AMOTL1: variants seen among roughly 807,000 people sequenced by gnomAD.
The protein encoded by AMOTL1 is angiomotin-like protein 1.
In AMOTL1, 45 loss-of-function variants were observed where a neutral mutation model predicts 102.9. The ratio of observed to expected loss-of-function variants is 0.44; its 90% CI spans 0.34 to 0.56. The LOEUF (loss-of-function observed/expected upper bound fraction) is 0.56, where lower values mean the gene tolerates loss of function less well. Among genes scored for constraint, AMOTL1 ranks in the 20% least tolerant of loss-of-function variants. AMOTL1 has a pLI of 0.01. For missense variants in AMOTL1, 1,114 were observed against 1,225.6 expected (o/e 0.91, Z 1.36); for synonymous variants, 481 against 484.7 (o/e 0.99, Z 0.10).
At chr11:94,738,607 G>A (rs1366944319) in intron 2 of AMOTL1, among the ~76,000 whole-genome samples, 1 of 152,014 alleles carries the variant, frequency 6.6e-6, no homozygotes, top group African/African-American at 2.4e-5. Flanking sequence ...TGGAAAGAAG[G>A]TGGAGAGTTA....
upstream of AMOTL1, chr11:94,768,282 AG>A (rs1453949624): frequency 4.7e-6 from 6 of 1,275,184 alleles, no homozygotes; most frequent in Non-Finnish European, 5.9e-6. Flanking sequence ...GGTGGAGTGT[AG>A]GGTTCTAGTG....
At chr11:94,744,221 C>T (rs566244909) in intron 3 of AMOTL1, among the ~76,000 whole-genome samples, 10 of 152,208 alleles carry the variant, frequency 6.6e-5, no homozygotes, top group Non-Finnish European at 1.3e-4. Context: ...CTACAACCTT[C>T]TTTTGGTTTC....
At chr11:94,771,487 G>A (rs760662928) in intron 1 of AMOTL1, among the ~76,000 whole-genome samples, 4 of 152,150 alleles carry the variant, frequency 2.6e-5, no homozygotes, top group Non-Finnish European at 5.9e-5. Context: ...AATAGTCTGA[G>A]GTTGTTGTGG....
At chr11:94,781,307 A>G (rs1460618500) in intron 1 of AMOTL1, among the ~76,000 whole-genome samples, 1 of 152,166 alleles carries the variant, frequency 6.6e-6, no homozygotes, top group Non-Finnish European at 1.5e-5. Flanking sequence ...TTTATATCAA[A>G]GGGCCTCTTT....
intron 8 of AMOTL1, among the ~76,000 whole-genome samples, chr11:94,855,758 G>C (rs753656984): frequency 6.6e-6 from 1 of 152,162 alleles, no homozygotes; most frequent in Non-Finnish European, 1.5e-5. Flanking sequence ...TGCCACAGAG[G>C]ATAGTTGGCT....
rs901339287 is a variant in AMOTL1 at position 94,740,700 on chromosome 11, C to T, written c.86-238C>T. Among the ~76,000 whole-genome samples, 43 of 151,992 alleles carry T rather than the reference C, an allele frequency of 2.8e-4. 1 individual carries two copies. Among genetic ancestry groups the T allele is most frequent in the Non-Finnish European group, 5.9e-5 (4 of 67,986 alleles). On this transcript the variant is annotated intron_variant, in intron 2 of 4. Transcript: ENST00000299004. ...GCGGGGAAAGTTGGCGCGCGCCTGA[C>T]CGCGCCTGGAAGCCGCGCGGTGCCA... is the stretch of plus-strand genomic sequence containing the variant.
intron 1 of AMOTL1, among the ~76,000 whole-genome samples, chr11:94,714,130 T>C (rs1211037049): frequency 6.6e-6 from 1 of 152,106 alleles, no homozygotes; most frequent in African/African-American, 2.4e-5. Context: ...TTTCGTGCAA[T>C]GATCAGTATG....
chr11:94,809,685 G>T (rs1951636585), intron 3 of AMOTL1, among the ~76,000 whole-genome samples: 1 of 152,176 alleles, frequency 6.6e-6, no homozygotes, highest in Admixed American at 6.5e-5. Context: ...TTTACATCTA[G>T]CAGAGATAAA....
chr11:94,854,189 A>C, intron 8 of AMOTL1, 107 bp downstream of exon 8: 1 of 1,371,066 alleles, frequency 7.3e-7, no homozygotes, highest in Non-Finnish European at 9.6e-7. Flanking sequence ...CAGGATTCAG[A>C]GGGAAACAAG....
intron 11 of AMOTL1, chr11:94,866,450 T>C (rs769202942): frequency 7.0e-6 from 3 of 430,036 alleles, no homozygotes; most frequent in East Asian, 9.7e-5. Flanking sequence ...CACAAAAGGC[T>C]CTCATAGAAA....
upstream of AMOTL1, among the ~76,000 whole-genome samples, chr11:94,766,611 C>T (rs946393599): frequency 1.3e-5 from 2 of 152,122 alleles, no homozygotes; most frequent in Non-Finnish European, 2.9e-5. Flanking sequence ...GTATTAAATT[C>T]GCGCAAATGT....
intron 1 of AMOTL1, among the ~76,000 whole-genome samples, chr11:94,727,892 T>G (rs1950286990): frequency 6.6e-6 from 1 of 152,186 alleles, no homozygotes; most frequent in South Asian, 2.1e-4. Flanking sequence ...AAGTATCATA[T>G]TTTTCCAGGC....
chr11:94,819,419 A>G (rs1465356175), intron 3 of AMOTL1, among the ~76,000 whole-genome samples: 1 of 152,212 alleles, frequency 6.6e-6, no homozygotes, highest in Non-Finnish European at 1.5e-5. Flanking sequence ...AGACAAATGC[A>G]TATGTGATTA....
intron 1 of AMOTL1, among the ~76,000 whole-genome samples, chr11:94,715,075 A>C (rs1950076071): frequency 6.6e-6 from 1 of 151,960 alleles, no homozygotes; most frequent in Non-Finnish European, 1.5e-5. Flanking sequence ...ATTTTTGTTA[A>C]GTTGTATTTA....
intron 3 of AMOTL1, chr11:94,820,271 C>G (rs2135625201): frequency 6.6e-6 from 1 of 152,514 alleles, no homozygotes; most frequent in East Asian, 1.9e-4. Context: ...CAGTTCTCAC[C>G]TAGACCACAC....
At chr11:94,777,617 G>A (rs1300919586) in intron 1 of AMOTL1, among the ~76,000 whole-genome samples, 1 of 152,106 alleles carries the variant, frequency 6.6e-6, no homozygotes, top group Non-Finnish European at 1.5e-5. Flanking sequence ...TGGGTTATGT[G>A]TAATTGTTTG....
At chr11:94,798,268 C>T (rs1350132188) in intron 2 of AMOTL1, among the ~76,000 whole-genome samples, 1 of 152,164 alleles carries the variant, frequency 6.6e-6, no homozygotes, top group African/African-American at 2.4e-5. Context: ...AGTACAATAC[C>T]TGGCACATCA....
At chr11:94,765,987 C>G (rs1022929987), upstream of AMOTL1, among the ~76,000 whole-genome samples, 1 of 152,198 alleles carries the variant, frequency 6.6e-6, no homozygotes, top group African/African-American at 2.4e-5. Flanking sequence ...TGTGCTTCAT[C>G]TGTCATTGGT....
chr11:94,842,584 C>A (rs764583445), intron 6 of AMOTL1, among the ~76,000 whole-genome samples: 9 of 152,192 alleles, frequency 5.9e-5, no homozygotes, highest in Non-Finnish European at 8.8e-5. Context: ...TAGGCTTTAC[C>A]TCATTTTCCC....
Sources: allele counts gnomAD v4.1 joint callset (sites outside exome capture counted in the v4.1 genomes callset), GRCh38; gene constraint gnomAD v4.1.1; transcripts MANE v1.5; gene names NCBI Gene and HGNC (gene_info 2026-07-23, HGNC 2026-07-21).